LINGO2: variants seen among roughly 807,000 people sequenced by gnomAD.
LINGO2 encodes the protein leucine rich repeat and Ig domain containing 2, also known as leucine-rich repeat and immunoglobulin-like domain-containing nogo receptor-interacting protein 2.
In LINGO2, 14 loss-of-function variants were observed where a neutral mutation model predicts 30.6. The ratio of observed to expected loss-of-function variants is 0.46; its 90% CI spans 0.30 to 0.72. The LOEUF is 0.72. LINGO2 is among the 30% of genes least tolerant of loss of function. LINGO2 has a pLI of 0.07. For synonymous variants in LINGO2, 317 were observed against 288.5 expected (o/e 1.10, Z -1.00); for missense variants, 729 against 751.7 (o/e 0.97, Z 0.35).
chr9:28,492,379 G>A (rs968436733), intron 1 of LINGO2, among the ~76,000 whole-genome samples: 2 of 152,140 alleles, frequency 1.3e-5, no homozygotes, highest in African/African-American at 4.8e-5. Flanking sequence ...CTTTATGCTA[G>A]CCTGTAGCGA....
chr9:28,261,198 T>C (rs1822552571), intron 4 of LINGO2, among the ~76,000 whole-genome samples: 1 of 151,962 alleles, frequency 6.6e-6, no homozygotes. Flanking sequence ...TTTATTAAAA[T>C]GATAAGCATA....
At chr9:28,808,711 A>T in the LINGO2 span, among the ~76,000 whole-genome samples, 1 of 152,246 alleles carries the variant, frequency 6.6e-6, no homozygotes, top group Non-Finnish European at 1.5e-5. Flanking sequence ...TAATGACCAG[A>T]CATAAAACCA....
At chr9:28,158,226 C>T (rs566864188) in intron 4 of LINGO2, among the ~76,000 whole-genome samples, 2 of 152,228 alleles carry the variant, frequency 1.3e-5, no homozygotes, top group East Asian at 1.9e-4. Context: ...GGAAATTCCC[C>T]TTTTTAAAAC....
intron 1 of LINGO2, among the ~76,000 whole-genome samples, chr9:28,600,507 T>C (rs1825414637): frequency 6.6e-6 from 1 of 152,110 alleles, no homozygotes; most frequent in Non-Finnish European, 1.5e-5. Flanking sequence ...CATCTGAGAG[T>C]ATCATCTCTT....
rs16912255 is a variant in LINGO2, at chr9:28,015,853, T to C, written c.-86-3448A>G. Among the ~76,000 whole-genome samples, 2,272 of 152,212 alleles carry C rather than the reference T, an allele frequency of 0.015. 245 individuals carry two copies. The East Asian group carries it at 0.29, about 19-fold the overall frequency. On this transcript the variant is annotated intron_variant, in intron 4 of 5. Coordinates refer to ENST00000379992, the Ensembl canonical transcript of LINGO2. ...TACAAATATATATTGGATATAACTATGCACCCTGAACTGTGCTGAATGTTT... is the reference window on the plus strand; with the variant it reads ...TACAAATATATATTGGATATAACTACGCACCCTGAACTGTGCTGAATGTTT...
chr9:29,049,830 A>G, the LINGO2 span, among the ~76,000 whole-genome samples: 1 of 152,132 alleles, frequency 6.6e-6, no homozygotes, highest in African/African-American at 2.4e-5. Flanking sequence ...AGAGGTGAGG[A>G]TGGTTAATGA....
the LINGO2 span, among the ~76,000 whole-genome samples, chr9:29,107,212 T>C: frequency 6.6e-6 from 1 of 152,156 alleles, no homozygotes; most frequent in Non-Finnish European, 1.5e-5. Flanking sequence ...TTTATGTTTA[T>C]TGTAAAAATT....
intron 4 of LINGO2, among the ~76,000 whole-genome samples, chr9:28,108,266 T>A (rs111736846): frequency 1.1e-3 from 173 of 152,260 alleles, no homozygotes; most frequent in African/African-American, 3.8e-3. Context: ...GTTTCCCCTA[T>A]GAAAAGACTG....
intron 2 of LINGO2, among the ~76,000 whole-genome samples, chr9:28,409,703 T>G (rs1822670612): frequency 6.6e-6 from 1 of 151,410 alleles, no homozygotes; most frequent in Non-Finnish European, 1.5e-5. Flanking sequence ...GATCACACAC[T>G]AATAATGTCC....
At chr9:28,550,327 T>A (rs1822208092) in intron 1 of LINGO2, among the ~76,000 whole-genome samples, 1 of 151,830 alleles carries the variant, frequency 6.6e-6, no homozygotes, top group East Asian at 1.9e-4. Context: ...TGGTGCTGCA[T>A]CCTTTATAAT....
the LINGO2 span, among the ~76,000 whole-genome samples, chr9:28,782,503 A>T: frequency 6.6e-6 from 1 of 152,264 alleles, no homozygotes; most frequent in South Asian, 2.1e-4. Context: ...AGTATGAGAG[A>T]GGTTGTACGT....
chr9:28,069,015 C>CA (rs1241297223), intron 4 of LINGO2, among the ~76,000 whole-genome samples: 4 of 151,938 alleles, frequency 2.6e-5, no homozygotes, highest in Admixed American at 2.6e-4. Flanking sequence ...AACATGTGCA[C>CA]AAAAAACTAG....
rs562223601 is a variant in LINGO2 at position 28,177,408 on chromosome 9, C to A, written c.-87+117800G>T. ...AATCCGAATTTACGCCTTCTGATTT[C>A]TGAAGGTCATATGGTACAAATGTGT... On this transcript the variant is annotated intron_variant, in intron 4 of 5. Coordinates refer to ENST00000379992, the Ensembl canonical transcript of LINGO2. 2.6e-5 allele frequency among the ~76,000 whole-genome samples: 4 copies of A among 152,276 alleles called. No individual in the cohort carries two copies. The East Asian group carries it at 5.8e-4, about 22-fold the overall frequency.
the LINGO2 span, among the ~76,000 whole-genome samples, chr9:29,018,263 A>C: frequency 6.6e-6 from 1 of 151,574 alleles, no homozygotes; most frequent in African/African-American, 2.4e-5. Context: ...ATAGACATAA[A>C]GATTAAAATA....
At chr9:28,056,936 T>C (rs1563949148) in intron 4 of LINGO2, among the ~76,000 whole-genome samples, 1 of 152,180 alleles carries the variant, frequency 6.6e-6, no homozygotes, top group Non-Finnish European at 1.5e-5. Flanking sequence ...TAATTTGATA[T>C]TATATTGGAT....
the LINGO2 span, among the ~76,000 whole-genome samples, chr9:28,860,114 T>A: frequency 2.0e-5 from 3 of 151,882 alleles, no homozygotes; most frequent in African/African-American, 7.2e-5. Context: ...ATGTGGAAAA[T>A]AATTAAGAAA....
At chr9:28,078,710 G>A (rs1401570514) in intron 4 of LINGO2, among the ~76,000 whole-genome samples, 1 of 147,856 alleles carries the variant, frequency 6.8e-6, no homozygotes, top group African/African-American at 2.7e-5. Context: ...GCTGGGTGTG[G>A]TAGTACATGC....
intron 4 of LINGO2, among the ~76,000 whole-genome samples, chr9:28,280,774 G>T (rs1587381280): frequency 2.0e-5 from 3 of 152,066 alleles, no homozygotes; most frequent in African/African-American, 7.2e-5. Flanking sequence ...GAACTGAGTT[G>T]CTCTCCCAGC....
chr9:28,374,832 T>C (rs1348404985), intron 2 of LINGO2, among the ~76,000 whole-genome samples: 1 of 152,176 alleles, frequency 6.6e-6, no homozygotes, highest in Non-Finnish European at 1.5e-5. Context: ...TAGCCTGTGT[T>C]CTTTTAATTT....
Sources: allele counts gnomAD v4.1 joint callset (sites outside exome capture counted in the v4.1 genomes callset), GRCh38; gene constraint gnomAD v4.1.1; transcripts MANE v1.5; gene names NCBI Gene and HGNC (gene_info 2026-07-23, HGNC 2026-07-21).